Variants in GTF2A1 observed in about 807,000 individuals in gnomAD.
GTF2A1 encodes general transcription factor IIA subunit 1, also known as transcription initiation factor IIA subunit 1.
A neutral mutation model predicts 54.1 loss-of-function variants in GTF2A1; 12 were observed. The ratio of observed to expected loss-of-function variants is 0.22; its 90% CI spans 0.14 to 0.36. The LOEUF (loss-of-function observed/expected upper bound fraction) is 0.36. Ranked by LOEUF, GTF2A1 falls within the 10% of genes least tolerant of loss-of-function variation. The pLI is 1.00. For synonymous variants in GTF2A1, 145 were observed against 152.0 expected (o/e 0.95, Z 0.34); for missense variants, 335 against 442.2 (o/e 0.76, Z 2.17).
chr14:81,185,728 A>G, intron 7 of GTF2A1, 108 bp from the exon 8 acceptor site: 1 of 559,474 alleles, frequency 1.8e-6, no homozygotes, highest in Non-Finnish European at 3.2e-6. Context: ...CCAAATGCAT[A>G]TATGTACGCC....
chr14:81,180,452 G>T, intron 8 of GTF2A1, 122 bp from the exon 9 acceptor site: 1 of 554,552 alleles, frequency 1.8e-6, no homozygotes, highest in South Asian at 2.3e-5. Context: ...AGTATTTACA[G>T]TATTGTATTT....
intron 2 of GTF2A1, chr14:81,204,329 CTT>C: frequency 1.5e-6 from 1 of 669,458 alleles, no homozygotes; most frequent in African/African-American, 1.8e-5. Flanking sequence ...GATTTTGTTT[CTT>C]TTTTTTATCT....
rs1334596919 is a variant in GTF2A1, at chr14:81,220,864, AG to A, written c.-347del. On this transcript the variant is annotated 5_prime_UTR_variant, in exon 1 of 9. Transcript: ENST00000553612. ...CGCCGCCGCTGCCGCCACCGGCTGC[AG>A]CTCCAGCCGTCCGGTCCGCCCGCTT... The A allele has an allele frequency of 3.6e-6, 1 of 274,620 alleles. No homozygotes were observed. 17.0% of individuals were successfully genotyped at this position (274,620 alleles called of 1,614,324 possible).
At chr14:81,219,673 C>T (rs1324674614) in intron 1 of GTF2A1, among the ~76,000 whole-genome samples, 2 of 152,194 alleles carry the variant, frequency 1.3e-5, no homozygotes, top group Non-Finnish European at 2.9e-5. Flanking sequence ...GACTAGTGAT[C>T]ACACTGCGTT....
At chr14:81,215,750 T>C (rs900155022) in intron 2 of GTF2A1, among the ~76,000 whole-genome samples, 1 of 152,100 alleles carries the variant, frequency 6.6e-6, no homozygotes, top group African/African-American at 2.4e-5. Context: ...AAAGATAAGA[T>C]TAAGGCTGGG....
rs1892535245 is a variant in GTF2A1, at chr14:81,176,648, T to C, written c.*3575A>G. ...CTTCGTAATAATTTTCATAGCATAA[T>C]AGAGGACTAAAATGCAAAGCTATTT... On this transcript the variant is annotated 3_prime_UTR_variant, in exon 9 of 9. Transcript: ENST00000553612. 6.6e-6 allele frequency: 1 copy of C among 152,098 alleles called. No individual in the cohort carries two copies. Among genetic ancestry groups the C allele is most frequent in the African/African-American group, 2.4e-5 (1 of 41,452 alleles). 9.4% of individuals were successfully genotyped at this position (152,098 alleles called of 1,614,324 possible).
intron 4 of GTF2A1, among the ~76,000 whole-genome samples, chr14:81,201,185 G>T (rs893743241): frequency 6.6e-6 from 1 of 152,056 alleles, no homozygotes; most frequent in Non-Finnish European, 1.5e-5. Flanking sequence ...TTAAATGCTT[G>T]ATTTTAAAAA....
chr14:81,192,429 A>G lies in GTF2A1; in HGVS notation c.933+90T>C, dbSNP rs563001286. 3.0e-4 allele frequency: 296 copies of G among 996,394 alleles called. 1 individual carries two copies. In the African/African-American group the frequency reaches 4.2e-3, roughly 14 times the overall value. The allele number at this position is 996,394 out of a possible 1,614,324, so 61.7% of individuals were successfully genotyped here. A position where few individuals can be genotyped will look rare whatever the true frequency, so the allele number is the denominator to read the frequency against. On this transcript the variant is annotated intron_variant, in intron 7 of 8. Transcript: ENST00000553612. ...GTTGTACAGCACCTAACAGTCTCTGAAAAAAACAGGATATAATTTATCAGT... is the reference window on the plus strand; with the variant it reads ...GTTGTACAGCACCTAACAGTCTCTGGAAAAAACAGGATATAATTTATCAGT...
intron 8 of GTF2A1, among the ~76,000 whole-genome samples, chr14:81,181,640 G>A (rs566337061): frequency 1.2e-3 from 185 of 152,208 alleles, no homozygotes; most frequent in Non-Finnish European, 2.0e-3. Context: ...CCCCTCCCAG[G>A]TTCAAGTGAT....
chr14:81,212,404 TTG>T (rs1893391665), intron 2 of GTF2A1, among the ~76,000 whole-genome samples: 1 of 152,324 alleles, frequency 6.6e-6, no homozygotes, highest in African/African-American at 2.4e-5. Flanking sequence ...CTGTATTTTA[TTG>T]TGTTTTTTCT....
intron 4 of GTF2A1, among the ~76,000 whole-genome samples, chr14:81,199,396 A>C (rs997711738): frequency 6.6e-6 from 1 of 152,256 alleles, no homozygotes; most frequent in Non-Finnish European, 1.5e-5. Flanking sequence ...CAATCATTTC[A>C]TAAAAAAGAA....
At chr14:81,199,404 G>C (rs561634182) in intron 4 of GTF2A1, among the ~76,000 whole-genome samples, 2 of 152,214 alleles carry the variant, frequency 1.3e-5, no homozygotes, top group South Asian at 4.1e-4. Flanking sequence ...TCATAAAAAA[G>C]AACCGAAAAC....
In GTF2A1 at chr14:81,220,691, AGGAGGGGG is replaced by A; in HGVS notation, c.-181_-174del. On this transcript the variant is annotated 5_prime_UTR_variant, in exon 1 of 9. Coordinates refer to ENST00000553612, the MANE Select transcript of GTF2A1 (RefSeq NM_015859.4). Reference sequence around the variant, plus strand: ...AGTAGGGGAGAGCGGAGAGAGGAGGAGGAGGGGGGCACTCCTCCCGCAGCTGAAAACCT... The same window carrying A: ...AGTAGGGGAGAGCGGAGAGAGGAGGAGCACTCCTCCCGCAGCTGAAAACCT... The A allele has an allele frequency of 3.5e-6, 1 of 287,234 alleles. No homozygotes were observed. Among genetic ancestry groups the A allele is most frequent in the Non-Finnish European group, 6.4e-6 (1 of 155,434 alleles). The allele number at this position is 287,234 out of a possible 1,614,324, so 17.8% of individuals were successfully genotyped here. A position where few individuals can be genotyped will look rare whatever the true frequency, so the allele number is the denominator to read the frequency against.
At chr14:81,213,438 C>T (rs1475032965) in intron 2 of GTF2A1, among the ~76,000 whole-genome samples, 1 of 152,194 alleles carries the variant, frequency 6.6e-6, no homozygotes, top group Non-Finnish European at 1.5e-5. Context: ...ACAATCTAGA[C>T]TGACCACTAG....
At chr14:81,219,060 G>T (rs1277193263) in intron 1 of GTF2A1, among the ~76,000 whole-genome samples, 3 of 151,728 alleles carry the variant, frequency 2.0e-5, no homozygotes, top group African/African-American at 7.3e-5. Flanking sequence ...TTAAATTCCC[G>T]AAAATAATGC....
chr14:81,184,651 C>CTT (rs1196312322), intron 8 of GTF2A1, among the ~76,000 whole-genome samples: 1 of 152,078 alleles, frequency 6.6e-6, no homozygotes, highest in Non-Finnish European at 1.5e-5. Flanking sequence ...TTAAGATTTT[C>CTT]TTCATCTATA....
intron 4 of GTF2A1, among the ~76,000 whole-genome samples, chr14:81,200,295 G>T (rs376607673): frequency 6.6e-6 from 1 of 152,018 alleles, no homozygotes; most frequent in East Asian, 1.9e-4. Flanking sequence ...TCACAAAGTA[G>T]AACTCATCTT....
At chr14:81,199,655 A>T (rs1490740970) in intron 4 of GTF2A1, among the ~76,000 whole-genome samples, 1 of 152,210 alleles carries the variant, frequency 6.6e-6, no homozygotes, top group African/African-American at 2.4e-5. Flanking sequence ...AGTAAAATGT[A>T]AAATATACAG....
intron 2 of GTF2A1, among the ~76,000 whole-genome samples, chr14:81,210,658 A>C (rs1210326858): frequency 6.6e-6 from 1 of 152,036 alleles, no homozygotes; most frequent in African/African-American, 2.4e-5. Flanking sequence ...GGGTTCAAGC[A>C]ATTCTCCTGC....
Sources: gnomAD v4.1 joint callset for allele counts (sites outside exome capture counted in the v4.1 genomes callset) on GRCh38, gnomAD v4.1.1 for gene constraint, MANE v1.5 for transcripts, NCBI Gene and HGNC (gene_info 2026-07-23, HGNC 2026-07-21) for gene names.